Variants in PDHX observed in about 807,000 individuals in gnomAD.
PDHX encodes pyruvate dehydrogenase protein X component, mitochondrial.
Under a neutral mutation model 55.3 loss-of-function variants are expected in PDHX, and 33 were observed. The ratio of observed to expected loss-of-function variants is 0.60; its 90% CI spans 0.45 to 0.80. PDHX has a LOEUF of 0.80. PDHX is among the 30% of genes least tolerant of loss of function. The probability of loss-of-function intolerance (pLI) is 0.00; values close to 1 mark genes in which losing one functional copy is unlikely to be tolerated. For synonymous variants in PDHX, 226 were observed against 219.4 expected (o/e 1.03, Z -0.27); for missense variants, 622 against 619.9 (o/e 1.00, Z -0.04).
chr11:34,947,653 G>C (rs1854656502), intron 3 of PDHX, 47 bp downstream of exon 3: 1 of 1,255,736 alleles, frequency 8.0e-7, no homozygotes, highest in Non-Finnish European at 1.2e-6. Context: ...GATTTCTTGA[G>C]TGGAAAGTTC....
intron 8 of PDHX, among the ~76,000 whole-genome samples, chr11:34,980,348 G>GTTTTTTTTTTTTTTTTTTTTT: frequency 3.3e-5 from 1 of 30,484 alleles, no homozygotes; most frequent in Non-Finnish European, 7.4e-5. Flanking sequence ...GTTTAAGATA[G>GTTTTTTTTTTTTTTTTTTTTT]TTTCTTTTTT....
intron 2 of PDHX, among the ~76,000 whole-genome samples, chr11:34,937,357 C>T (rs1030302209): frequency 4.6e-5 from 7 of 151,536 alleles, no homozygotes; most frequent in African/African-American, 1.7e-4. Flanking sequence ...AAGGAAATCA[C>T]CAAGTGTCCC....
At chr11:34,981,148 C>A (rs1295004817) in intron 8 of PDHX, among the ~76,000 whole-genome samples, 1 of 152,042 alleles carries the variant, frequency 6.6e-6, no homozygotes, top group Admixed American at 6.6e-5. Flanking sequence ...GTCCTTCCCC[C>A]CTCCCCCAAC....
chr11:34,957,432 A>G lies in PDHX; in HGVS notation c.391A>G (p.Ile131Val), dbSNP rs1419514171. Residue 131 changes from isoleucine to valine, a missense_variant, in exon 4 of 11, where the codon ATA becomes GTA. Coordinates refer to ENST00000227868, the MANE Select transcript of PDHX (RefSeq NM_003477.3). The stretch of plus-strand genomic sequence containing the variant: ...ACGGCTAGGTTCACTAATTGGTTTG[A>G]TAGTAGAAGAAGGAGAAGATTGGAA... The part of the protein sequence containing the change: ...NIRLGSLIGL[I>V]VEEGEDWKHV... 2 of 1,613,442 alleles carry G rather than the reference A, an allele frequency of 1.2e-6. No homozygotes were observed. The highest frequency in any genetic ancestry group is 1.1e-5 in the South Asian group (1 of 91,058).
At chr11:34,941,017 G>T (rs1324087600) in intron 2 of PDHX, among the ~76,000 whole-genome samples, 1 of 152,174 alleles carries the variant, frequency 6.6e-6, no homozygotes, top group Non-Finnish European at 1.5e-5. Context: ...TTCAATAGAA[G>T]TTTCTGTGGT....
chr11:34,980,914 T>C (rs1030187711), intron 8 of PDHX, among the ~76,000 whole-genome samples: 1 of 152,150 alleles, frequency 6.6e-6, no homozygotes, highest in African/African-American at 2.4e-5. Flanking sequence ...CAGTTTCTGT[T>C]TTTCAGCATC....
intron 3 of PDHX, 81 bp from the exon 4 acceptor site, chr11:34,957,303 G>A (rs1854923872): frequency 1.0e-6 from 1 of 989,294 alleles, no homozygotes; most frequent in African/African-American, 1.6e-5. Context: ...CTTAAGGGGA[G>A]AATTACCCAA....
intron 2 of PDHX, among the ~76,000 whole-genome samples, chr11:34,936,788 T>C (rs28677799): frequency 0.074 from 1,450 of 19,668 alleles, 24 homozygotes; most frequent in African/African-American, 0.2. Context: ...CTTTTCTTTT[T>C]TTTTTTTTTT....
At chr11:34,989,029 G>C (rs1405369967) in intron 9 of PDHX, among the ~76,000 whole-genome samples, 2 of 152,176 alleles carry the variant, frequency 1.3e-5, no homozygotes, top group Non-Finnish European at 2.9e-5. Flanking sequence ...ATGGTTAGGC[G>C]ATTTTGTCAT....
chr11:34,918,701 A>C (rs980902859), intron 1 of PDHX, among the ~76,000 whole-genome samples: 33 of 152,214 alleles, frequency 2.2e-4, no homozygotes, highest in African/African-American at 8.0e-4. Context: ...ACACAAATTC[A>C]CATCTCATAG....
At chr11:34,935,399 T>A (rs773761957) in intron 2 of PDHX, among the ~76,000 whole-genome samples, 9 of 152,076 alleles carry the variant, frequency 5.9e-5, no homozygotes, top group Non-Finnish European at 1.2e-4. Context: ...ATAAAAGAGG[T>A]GAGTATGTTA....
chr11:34,960,397 T>C (rs1854998314), intron 4 of PDHX, 23 bp from the exon 5 acceptor site: 3 of 1,492,260 alleles, frequency 2.0e-6, no homozygotes. Context: ...TTGGTTCTAT[T>C]AACCTTCATA....
intron 9 of PDHX, among the ~76,000 whole-genome samples, chr11:34,990,188 C>T (rs570534585): frequency 5.9e-5 from 9 of 152,258 alleles, no homozygotes; most frequent in African/African-American, 2.2e-4. Flanking sequence ...TATTAAAAGG[C>T]AGAGGCATAG....
intron 3 of PDHX, among the ~76,000 whole-genome samples, chr11:34,956,360 T>C (rs1323218737): frequency 2.0e-5 from 3 of 152,192 alleles, no homozygotes; most frequent in Non-Finnish European, 4.4e-5. Flanking sequence ...TACTCTGATA[T>C]GTCAAACTCA....
chr11:34,945,624 TC>T (rs1854603145), intron 2 of PDHX, among the ~76,000 whole-genome samples: 1 of 152,178 alleles, frequency 6.6e-6, no homozygotes, highest in African/African-American at 2.4e-5. Flanking sequence ...CTGTTTTTTT[TC>T]CCCTTTGATA....
intron 8 of PDHX, among the ~76,000 whole-genome samples, chr11:34,978,557 A>G (rs1316334518): frequency 6.6e-6 from 1 of 152,096 alleles, no homozygotes; most frequent in African/African-American, 2.4e-5. Context: ...ACTAGGGGTG[A>G]TTTTTCAAAA....
intron 2 of PDHX, among the ~76,000 whole-genome samples, chr11:34,936,544 G>T (rs1854313891): frequency 6.6e-6 from 1 of 152,038 alleles, no homozygotes; most frequent in Non-Finnish European, 1.5e-5. Context: ...TAATGAGAAG[G>T]ACATTCCAGC....
At position 34,995,177 on chromosome 11, in the gene PDHX, CA is replaced by C; in HGVS notation, c.*8del. 6.2e-7 allele frequency: 1 copy of C among 1,613,500 alleles called. No homozygotes were observed. The highest frequency in any genetic ancestry group is 8.5e-7 in the Non-Finnish European group (1 of 1,179,766). ...AATCCTATCCGACTTGCCTAGTCCT[CA>C]AAGATAAGAAGTTGGTGTTCAGCTT... On this transcript the variant is annotated 3_prime_UTR_variant, in exon 11 of 11. Transcript: ENST00000227868.
chr11:34,916,477 T>C, upstream of PDHX: 1 of 1,458,916 alleles, frequency 6.9e-7, no homozygotes, highest in Non-Finnish European at 9.0e-7. Flanking sequence ...CGCACCTGAC[T>C]TCCCGGGAGG....
Sources: gnomAD v4.1 joint callset for allele counts (sites outside exome capture counted in the v4.1 genomes callset) on GRCh38, gnomAD v4.1.1 for gene constraint, MANE v1.5 for transcripts, NCBI Gene and HGNC (gene_info 2026-07-23, HGNC 2026-07-21) for gene names.